The following IL1RAPL1 variants were observed in gnomAD, a reference collection of about 807,000 sequenced individuals.
IL1RAPL1 encodes interleukin 1 receptor accessory protein like 1, also known as interleukin-1 receptor accessory protein-like 1.
IL1RAPL1 carries 3 observed loss-of-function variants against 48.4 expected under a neutral mutation model. That is an observed-to-expected ratio of 0.06 (90% CI 0.03 to 0.16). IL1RAPL1 has a LOEUF of 0.16. IL1RAPL1 is among the 10% of genes least tolerant of loss of function. The pLI, the probability that IL1RAPL1 is intolerant of heterozygous loss-of-function variation, is 1.00. For synonymous variants in IL1RAPL1, 185 were observed against 187.7 expected, an observed-to-expected ratio of 0.99 and a Z score of 0.12; for missense variants, 349 against 530.6, an observed-to-expected ratio of 0.66 and a Z score of 3.36.
intron 2 of IL1RAPL1, among the ~76,000 whole-genome samples, chrX:28,868,039 A>G (rs1922119140): frequency 8.9e-6 from 1 of 111,800 alleles, no homozygotes; most frequent in Non-Finnish European, 1.9e-5. Context: ...AAACCTTGAT[A>G]TGTTCTCACA....
intron 6 of IL1RAPL1, among the ~76,000 whole-genome samples, chrX:29,840,258 T>G (rs1015796145): frequency 8.0e-5 from 9 of 111,973 alleles, no homozygotes; most frequent in African/African-American, 2.9e-4. Context: ...GTTCACATCT[T>G]TAATTTGGAT....
Position 28,870,591 on chromosome X carries a change from A to G in IL1RAPL1, c.82+81166A>G, listed in dbSNP as rs182388180. On this transcript the variant is annotated intron_variant, in intron 2 of 10. Coordinates refer to ENST00000378993, the MANE Select transcript of IL1RAPL1 (RefSeq NM_014271.4). ...ACCCCTATGGTAACACATGGAATGA[A>G]AAGGAAAATTTGATTCCTAACATTC... is the stretch of plus-strand genomic sequence containing the variant. Among the ~76,000 whole-genome samples the G allele has an allele frequency of 1.0e-3, 114 of 111,998 alleles. 1 individual carries two copies. The Middle Eastern group carries it at 0.014, about 14-fold the overall frequency.
At chrX:29,377,130 A>G (rs1348275059) in intron 3 of IL1RAPL1, among the ~76,000 whole-genome samples, 1 of 111,664 alleles carries the variant, frequency 9.0e-6, no homozygotes, top group African/African-American at 3.3e-5. Flanking sequence ...GTCCTTCTTT[A>G]TTGTTATTGG....
chrX:28,893,105 C>G (rs1922815504), intron 2 of IL1RAPL1, among the ~76,000 whole-genome samples: 1 of 110,909 alleles, frequency 9.0e-6, no homozygotes, highest in Non-Finnish European at 1.9e-5. Context: ...TATGACTAGA[C>G]AGAAGATAGC....
rs187718911 is a variant in IL1RAPL1, at chrX:29,079,031, G to A, written c.83-203907G>A. Among the ~76,000 whole-genome samples the A allele has an allele frequency of 2.6e-3, 287 of 112,209 alleles. 1 individual carries two copies. Among genetic ancestry groups the A allele is most frequent in the Middle Eastern group, 9.2e-3 (2 of 218 alleles). ...CCCATTTTTACTTTCACACAATAAA[G>A]TACTGCTGTAGCACAGATCATTATT... On this transcript the variant is annotated intron_variant, in intron 2 of 10. Transcript: ENST00000378993.
chrX:29,604,189 C>T (rs1923814222), intron 5 of IL1RAPL1, among the ~76,000 whole-genome samples: 1 of 112,176 alleles, frequency 8.9e-6, no homozygotes, highest in South Asian at 3.7e-4. Flanking sequence ...CCTCTTTCCC[C>T]TTTCAAACTT....
At chrX:29,444,583 T>TAA (rs1441196798) in intron 5 of IL1RAPL1, among the ~76,000 whole-genome samples, 1 of 110,576 alleles carries the variant, frequency 9.0e-6, no homozygotes, top group Non-Finnish European at 1.9e-5. Context: ...ACGTAGAACA[T>TAA]AACTATTTAG....
intron 1 of IL1RAPL1, among the ~76,000 whole-genome samples, chrX:28,766,021 T>C (rs570946093): frequency 2.7e-5 from 3 of 111,574 alleles, no homozygotes; most frequent in Non-Finnish European, 3.8e-5. Flanking sequence ...CTGTACCCAA[T>C]AGGAAAATGC....
rs770029132 is a variant in IL1RAPL1 at position 28,772,095 on chromosome X, C to T, written c.-24-17225C>T. Among the ~76,000 whole-genome samples, 6 of 110,921 alleles carry T rather than the reference C, an allele frequency of 5.4e-5. No individual in the cohort carries two copies. The South Asian group carries it at 2.3e-3, about 43-fold the overall frequency. On this transcript the variant is annotated intron_variant, in intron 1 of 10. Transcript: ENST00000378993. ...ACTATGGATTAAGAGCGCTTTCTAC[C>T]CCTTTCTCTCGAAACATTTCATTGT...
At chrX:29,736,656 G>A (rs1225570760) in intron 6 of IL1RAPL1, among the ~76,000 whole-genome samples, 1 of 110,851 alleles carries the variant, frequency 9.0e-6, no homozygotes. Context: ...AACCCGGGAG[G>A]CAGAGGTTAC....
At chrX:29,306,297 G>A (rs1434841259) in intron 3 of IL1RAPL1, among the ~76,000 whole-genome samples, 1 of 111,157 alleles carries the variant, frequency 9.0e-6, no homozygotes, top group Non-Finnish European at 1.9e-5. Flanking sequence ...TTGGGAGGCC[G>A]AGGCAGGCGG....
chrX:29,569,887 T>C (rs5927784), intron 5 of IL1RAPL1, among the ~76,000 whole-genome samples: 36,452 of 110,977 alleles, frequency 0.33, 4,757 homozygotes, highest in South Asian at 0.53. Flanking sequence ...GTAGTGTTAT[T>C]TGCAGCTGAA....
chrX:29,491,213 C>T (rs970945452), intron 5 of IL1RAPL1, among the ~76,000 whole-genome samples: 5 of 111,944 alleles, frequency 4.5e-5, no homozygotes, highest in Admixed American at 1.9e-4. Flanking sequence ...TCAATGGAAG[C>T]ATATCAAAAT....
intron 1 of IL1RAPL1, among the ~76,000 whole-genome samples, chrX:28,727,782 A>G (rs1159178410): frequency 9.0e-6 from 1 of 111,075 alleles, no homozygotes; most frequent in African/African-American, 3.3e-5. Context: ...TTCTGCATCT[A>G]TTGAGATAAT....
chrX:29,009,608 G>T (rs1044329289), intron 2 of IL1RAPL1, among the ~76,000 whole-genome samples: 16 of 111,659 alleles, frequency 1.4e-4, no homozygotes, highest in African/African-American at 5.2e-4. Context: ...CTGTTCCATT[G>T]GTCTGTGTGT....
At chrX:29,714,154 CATTAAGGACAGA>C (rs1323349411) in intron 6 of IL1RAPL1, among the ~76,000 whole-genome samples, 11 of 111,944 alleles carry the variant, frequency 9.8e-5, no homozygotes, top group South Asian at 7.5e-4. Context: ...ATAGGGACTC[CATTAAGGACAGA>C]ATCTGCATCT....
chrX:29,203,722 A>AATATATATATATATATATATATATAT (rs56950481), intron 2 of IL1RAPL1, among the ~76,000 whole-genome samples: 5 of 78,410 alleles, frequency 6.4e-5, no homozygotes, highest in African/African-American at 1.1e-4. Context: ...TCCGTCTCAA[A>AATATATATATATATATATATATATAT]ATATATATAT....
intron 3 of IL1RAPL1, among the ~76,000 whole-genome samples, chrX:29,339,078 A>ACAC (rs1381610924): frequency 1.1e-5 from 1 of 91,696 alleles, no homozygotes; most frequent in Non-Finnish European, 2.0e-5. Flanking sequence ...GGGTAAATAC[A>ACAC]CACACACACA....
chrX:28,980,218 T>A (rs186802795), intron 2 of IL1RAPL1, among the ~76,000 whole-genome samples: 29 of 112,637 alleles, frequency 2.6e-4, no homozygotes, highest in African/African-American at 8.7e-4. Flanking sequence ...TTTTACACAG[T>A]CTGTTTCACA....
Sources: gnomAD v4.1 joint callset for allele counts (sites outside exome capture counted in the v4.1 genomes callset) on GRCh38, gnomAD v4.1.1 for gene constraint, MANE v1.5 for transcripts, NCBI Gene and HGNC (gene_info 2026-07-23, HGNC 2026-07-21) for gene names.